CCBE1: variants seen among roughly 807,000 people sequenced by gnomAD.
The protein encoded by CCBE1 is collagen and calcium-binding EGF domain-containing protein 1.
In CCBE1, 37 loss-of-function variants were observed where a neutral mutation model predicts 50.0. The observed-to-expected ratio is 0.74, with a 90% confidence interval of 0.57 to 0.97. The LOEUF is 0.97. CCBE1 is among the 50% of genes least tolerant of loss of function. The pLI is 0.00. For synonymous variants in CCBE1, 234 were observed against 203.7 expected (o/e 1.15, Z -1.27); for missense variants, 538 against 523.8 (o/e 1.03, Z -0.26).
intron 2 of CCBE1, among the ~76,000 whole-genome samples, chr18:59,576,785 G>A (rs879589014): frequency 5.9e-5 from 9 of 152,176 alleles, no homozygotes; most frequent in Admixed American, 1.3e-4. Flanking sequence ...AAATGCATCC[G>A]TGTGTCTGGA....
intron 2 of CCBE1, among the ~76,000 whole-genome samples, chr18:59,669,924 A>G (rs565932690): frequency 6.6e-6 from 1 of 152,314 alleles, no homozygotes; most frequent in Admixed American, 6.5e-5. Context: ...AGGCACTCAA[A>G]AAAATTGCAT....
intron 2 of CCBE1, among the ~76,000 whole-genome samples, chr18:59,550,125 T>C (rs1287055065): frequency 6.6e-6 from 1 of 152,136 alleles, no homozygotes; most frequent in Non-Finnish European, 1.5e-5. Flanking sequence ...CTGGAGACTG[T>C]GTCATCATTC....
chr18:59,649,002 C>T (rs1290749835), intron 2 of CCBE1, among the ~76,000 whole-genome samples: 1 of 152,216 alleles, frequency 6.6e-6, no homozygotes, highest in African/African-American at 2.4e-5. Flanking sequence ...ACGCTTCAAA[C>T]TAACTGCAGG....
intron 2 of CCBE1, among the ~76,000 whole-genome samples, chr18:59,586,945 G>C (rs915308611): frequency 1.3e-5 from 2 of 152,174 alleles, no homozygotes; most frequent in Non-Finnish European, 2.9e-5. Flanking sequence ...CATGAGTCTG[G>C]AGATCAGAAA....
chr18:59,579,820 C>G (rs563220301), intron 2 of CCBE1, among the ~76,000 whole-genome samples: 7 of 152,300 alleles, frequency 4.6e-5, no homozygotes, highest in African/African-American at 1.7e-4. Context: ...ACATGCTGAC[C>G]TGACTTCCCC....
At chr18:59,580,069 G>T (rs1477447480) in intron 2 of CCBE1, among the ~76,000 whole-genome samples, 1 of 152,194 alleles carries the variant, frequency 6.6e-6, no homozygotes, top group African/African-American at 2.4e-5. Context: ...TAAGGGTAAA[G>T]GCAGTTGTTG....
chr18:59,696,850 T>G, intron 1 of CCBE1, 141 bp from the exon 2 acceptor site: 1 of 932,632 alleles, frequency 1.1e-6, no homozygotes, highest in Non-Finnish European at 1.7e-6. Flanking sequence ...CCCAAACGCG[T>G]ACGCGGGGCA....
At chr18:59,550,881 T>C (rs1915886564) in intron 2 of CCBE1, among the ~76,000 whole-genome samples, 1 of 150,140 alleles carries the variant, frequency 6.7e-6, no homozygotes, top group Non-Finnish European at 1.5e-5. Context: ...GGTGGGCGGC[T>C]GTAGTCTCAG....
At chr18:59,566,403 T>G (rs1568210048) in intron 2 of CCBE1, among the ~76,000 whole-genome samples, 1 of 151,916 alleles carries the variant, frequency 6.6e-6, no homozygotes, top group African/African-American at 2.4e-5. Context: ...TCACCCTAAT[T>G]AAAACTACCT....
intron 2 of CCBE1, among the ~76,000 whole-genome samples, chr18:59,663,898 G>A (rs1156842293): frequency 2.0e-5 from 3 of 152,182 alleles, no homozygotes; most frequent in Non-Finnish European, 4.4e-5. Context: ...AACCAAGATC[G>A]AAAACACAAA....
intron 7 of CCBE1, among the ~76,000 whole-genome samples, chr18:59,447,755 G>A (rs558024560): frequency 3.9e-5 from 6 of 152,202 alleles, no homozygotes; most frequent in Non-Finnish European, 7.4e-5. Context: ...CCAATCCCAG[G>A]ACAATGAGCT....
chr18:59,653,247 A>AGG (rs1237585803), intron 2 of CCBE1, among the ~76,000 whole-genome samples: 2 of 152,176 alleles, frequency 1.3e-5, no homozygotes, highest in African/African-American at 4.8e-5. Context: ...TCCCCTACCC[A>AGG]GGGGTCTGGT....
chr18:59,483,857 C>T (rs959282919), intron 2 of CCBE1, among the ~76,000 whole-genome samples: 17 of 152,116 alleles, frequency 1.1e-4, no homozygotes, highest in African/African-American at 4.1e-4. Context: ...CAGCTAAGGT[C>T]CCCCTGCCTG....
chr18:59,448,215 T>C (rs1910774026), intron 6 of CCBE1, 112 bp from the exon 7 acceptor site: 1 of 1,463,912 alleles, frequency 6.8e-7, no homozygotes, highest in African/African-American at 1.4e-5. Context: ...TGTATATACT[T>C]TTTACTAGAG....
At position 59,619,284 on chromosome 18, in the gene CCBE1, A is replaced by G. The variant is rs181845774; in HGVS notation, c.212+77345T>C. 5.9e-4 allele frequency among the ~76,000 whole-genome samples: 90 copies of G among 152,272 alleles called. 1 individual carries two copies. In the East Asian group the frequency reaches 0.015, roughly 25 times the overall value. On this transcript the variant is annotated intron_variant, in intron 2 of 10. Coordinates refer to ENST00000439986, the MANE Select transcript of CCBE1 (RefSeq NM_133459.4). ...TAAATATTTATGTTTTCCAAATTGAAAGCCAGGTGTATTTATTTATCATTA... is the reference window on the plus strand; with the variant it reads ...TAAATATTTATGTTTTCCAAATTGAGAGCCAGGTGTATTTATTTATCATTA...
rs1328045246 is a variant in CCBE1 at position 59,677,226 on chromosome 18, A to G, written c.212+19403T>C. 4.6e-5 allele frequency among the ~76,000 whole-genome samples: 7 copies of G among 152,324 alleles called. No homozygotes were observed. In the East Asian group the frequency reaches 9.6e-4, roughly 21 times the overall value. ...GATGTCGTGGAGAGAGATAGCCCAA[A>G]AAGTCCCAAACTGGATACATTTGAT... On this transcript the variant is annotated intron_variant, in intron 2 of 10. Transcript: ENST00000439986.
At chr18:59,557,190 G>C (rs776646454) in intron 2 of CCBE1, among the ~76,000 whole-genome samples, 1 of 152,238 alleles carries the variant, frequency 6.6e-6, no homozygotes, top group Non-Finnish European at 1.5e-5. Flanking sequence ...CAATGTGGAA[G>C]TTAGAGGCCT....
intron 2 of CCBE1, among the ~76,000 whole-genome samples, chr18:59,624,087 G>T (rs1264126993): frequency 3.3e-5 from 5 of 152,172 alleles, no homozygotes; most frequent in Non-Finnish European, 7.3e-5. Flanking sequence ...CCATGGCTGA[G>T]GTCACCAGAA....
intron 2 of CCBE1, among the ~76,000 whole-genome samples, chr18:59,657,100 T>C (rs1470048601): frequency 6.6e-6 from 1 of 152,184 alleles, no homozygotes; most frequent in African/African-American, 2.4e-5. Flanking sequence ...TCCCTGCATC[T>C]CTAGAAGTCC....
Sources: allele counts gnomAD v4.1 joint callset (sites outside exome capture counted in the v4.1 genomes callset), GRCh38; gene constraint gnomAD v4.1.1; transcripts MANE v1.5; gene names NCBI Gene and HGNC (gene_info 2026-07-23, HGNC 2026-07-21).